The following ST8SIA1 variants were observed in gnomAD, a reference collection of about 807,000 sequenced individuals.
ST8SIA1 encodes the protein ST8 alpha-N-acetyl-neuraminide alpha-2,8-sialyltransferase 1.
A neutral mutation model predicts 35.9 loss-of-function variants in ST8SIA1; 16 were observed. The observed-to-expected ratio is 0.45, with a 90% confidence interval of 0.30 to 0.68. The LOEUF (loss-of-function observed/expected upper bound fraction) is 0.68, where lower values mean the gene tolerates loss of function less well. Among genes scored for constraint, ST8SIA1 ranks in the 30% least tolerant of loss-of-function variants. ST8SIA1 has a pLI of 0.09. For synonymous variants in ST8SIA1, 170 were observed against 169.6 expected, an observed-to-expected ratio of 1.00 and a Z score of -0.02; for missense variants, 383 against 453.6, an observed-to-expected ratio of 0.84 and a Z score of 1.41.
rs936854665 is a variant in ST8SIA1 at position 22,196,495 on chromosome 12, A to G, written c.*5057T>C. ...AAAAAGCTACAGCAATTATAGATTC[A>G]AGTCTCCTTCCACTTGCAAAATAGA... On this transcript the variant is annotated 3_prime_UTR_variant, in exon 5 of 5. Transcript: ENST00000396037. 1 of 152,230 alleles carries G rather than the reference A, an allele frequency of 6.6e-6. No homozygotes were observed. The highest frequency in any genetic ancestry group is 1.5e-5 in the Non-Finnish European group (1 of 68,044). The allele number at this position is 152,230 out of a possible 1,614,324, so 9.4% of individuals were successfully genotyped here.
At chr12:22,325,067 C>G (rs995866718) in intron 1 of ST8SIA1, 1 of 179,760 alleles carries the variant, frequency 5.6e-6, no homozygotes, top group Non-Finnish European at 1.1e-5. Context: ...TAAGTACTTC[C>G]GAGTGAGGGA....
intron 2 of ST8SIA1, among the ~76,000 whole-genome samples, chr12:22,266,451 T>C (rs1052978653): frequency 2.6e-5 from 4 of 151,726 alleles, no homozygotes; most frequent in African/African-American, 9.7e-5. Context: ...AATCGAAGCC[T>C]TTATTGTTTC....
At chr12:22,320,429 T>C (rs1053460792) in intron 1 of ST8SIA1, among the ~76,000 whole-genome samples, 6 of 152,158 alleles carry the variant, frequency 3.9e-5, no homozygotes, top group Non-Finnish European at 8.8e-5. Context: ...GGAGCTGCCT[T>C]GGGAGTGGCA....
rs61596419 is a variant in ST8SIA1 at position 22,303,846 on chromosome 12, C to CCACACACACACA, written c.237-16565_237-16554dup. ...CCCCGCCACCACCACCACCACCCTG[C>CCACACACACACA]CACACACACACACACACACACACAC... is the stretch of plus-strand genomic sequence containing the variant. On this transcript the variant is annotated intron_variant, in intron 1 of 4. Coordinates refer to ENST00000396037, the MANE Select transcript of ST8SIA1 (RefSeq NM_003034.4). 5.3e-3 allele frequency among the ~76,000 whole-genome samples: 751 copies of CCACACACACACA among 140,760 alleles called. 4 individuals are homozygous for CCACACACACACA. Among genetic ancestry groups the CCACACACACACA allele is most frequent in the Middle Eastern group, 0.015 (4 of 272 alleles). The allele number at this position is 140,760 out of a possible 152,430, so 92.3% of individuals were successfully genotyped here.
chr12:22,330,420 T>A (rs1257016642), intron 1 of ST8SIA1, among the ~76,000 whole-genome samples: 2 of 152,196 alleles, frequency 1.3e-5, no homozygotes, highest in African/African-American at 4.8e-5. Context: ...ATGGAGGAAC[T>A]GAAGCTCTGA....
intron 2 of ST8SIA1, among the ~76,000 whole-genome samples, chr12:22,267,916 T>C (rs73270065): frequency 2.0e-3 from 301 of 152,248 alleles, no homozygotes; most frequent in African/African-American, 6.8e-3. Context: ...ACCTATGTCA[T>C]CTTCCAGGAT....
At chr12:22,315,413 T>C (rs985421784) in intron 1 of ST8SIA1, among the ~76,000 whole-genome samples, 4 of 152,160 alleles carry the variant, frequency 2.6e-5, no homozygotes, top group Admixed American at 2.0e-4. Context: ...AGAGAAAATA[T>C]AGCAAAATTA....
chr12:22,271,742 G>A (rs971367267), intron 2 of ST8SIA1, among the ~76,000 whole-genome samples: 6 of 152,112 alleles, frequency 3.9e-5, no homozygotes, highest in Admixed American at 3.9e-4. Context: ...TAGTCATTCT[G>A]ATGTTCTGTG....
At chr12:22,313,042 G>A (rs73087093) in intron 1 of ST8SIA1, among the ~76,000 whole-genome samples, 3,583 of 152,154 alleles carry the variant, frequency 0.024, 53 homozygotes, top group Middle Eastern at 0.041. Context: ...CTATAAATGC[G>A]CTGGTAGAGT....
chr12:22,202,529 A>G (rs1865060224), intron 4 of ST8SIA1, among the ~76,000 whole-genome samples: 1 of 152,218 alleles, frequency 6.6e-6, no homozygotes, highest in South Asian at 2.1e-4. Flanking sequence ...TACAACTATA[A>G]TATTACATGG....
rs73264093 is a variant in ST8SIA1 at position 22,198,583 on chromosome 12, T to C, written c.*2969A>G. The C allele has an allele frequency of 5.5e-5, 8 of 145,024 alleles. No homozygotes were observed. The highest frequency in any genetic ancestry group is 2.0e-4 in the African/African-American group (8 of 39,228). 9.0% of individuals were successfully genotyped at this position (145,024 alleles called of 1,614,324 possible). On this transcript the variant is annotated 3_prime_UTR_variant, in exon 5 of 5. Transcript: ENST00000396037. ...CACACACACACTCCTATCTAACCAA[T>C]TATGTCCAAAAGGCATATGTATGGT... is the stretch of plus-strand genomic sequence containing the variant.
chr12:22,234,696 ATAATT>A (rs1295000339), intron 4 of ST8SIA1, among the ~76,000 whole-genome samples: 4 of 152,238 alleles, frequency 2.6e-5, no homozygotes, highest in Non-Finnish European at 5.9e-5. Flanking sequence ...AACAATGTGC[ATAATT>A]TAATTAGGAG....
At chr12:22,275,324 G>C (rs1865956327) in intron 2 of ST8SIA1, among the ~76,000 whole-genome samples, 1 of 152,220 alleles carries the variant, frequency 6.6e-6, no homozygotes, top group Non-Finnish European at 1.5e-5. Context: ...GAGGCCAAGG[G>C]CGGGTGTATC....
At chr12:22,202,198 A>G (rs1190039767) in intron 4 of ST8SIA1, among the ~76,000 whole-genome samples, 160 bp from the exon 5 acceptor site, 2 of 152,210 alleles carry the variant, frequency 1.3e-5, no homozygotes, top group Admixed American at 6.5e-5. Context: ...GAACTTATCA[A>G]TTATCTCTCA....
At chr12:22,324,423 T>C (rs1422244908) in intron 1 of ST8SIA1, 1 of 152,176 alleles carries the variant, frequency 6.6e-6, no homozygotes, top group Non-Finnish European at 1.5e-5. Context: ...AATTACAACA[T>C]AAATATCCAA....
chr12:22,246,695 G>A (rs377206226), intron 4 of ST8SIA1, among the ~76,000 whole-genome samples: 14 of 152,144 alleles, frequency 9.2e-5, no homozygotes, highest in South Asian at 2.1e-4. Flanking sequence ...TTGAGAGCAC[G>A]GGCTTTGGAA....
intron 4 of ST8SIA1, among the ~76,000 whole-genome samples, chr12:22,245,261 A>G (rs1865586838): frequency 6.6e-6 from 1 of 152,242 alleles, no homozygotes; most frequent in Admixed American, 6.5e-5. Flanking sequence ...TCAATCATGC[A>G]CATGGTATTA....
intron 4 of ST8SIA1, among the ~76,000 whole-genome samples, chr12:22,221,252 G>C (rs1435699706): frequency 6.6e-6 from 1 of 152,108 alleles, no homozygotes; most frequent in Non-Finnish European, 1.5e-5. Flanking sequence ...GAGACAGATG[G>C]AGAAGAAAGG....
chr12:22,284,741 C>T (rs1866077878), intron 2 of ST8SIA1, among the ~76,000 whole-genome samples: 1 of 152,178 alleles, frequency 6.6e-6, no homozygotes, highest in African/African-American at 2.4e-5. Flanking sequence ...TTTCCTTGGT[C>T]TTGCAACTGG....
Sources: allele counts gnomAD v4.1 joint callset (sites outside exome capture counted in the v4.1 genomes callset), GRCh38; gene constraint gnomAD v4.1.1; transcripts MANE v1.5; gene names NCBI Gene and HGNC (gene_info 2026-07-23, HGNC 2026-07-21).